NOL4L: variants seen among roughly 807,000 people sequenced by gnomAD.
NOL4L encodes nucleolar protein 4-like.
In NOL4L, 7 loss-of-function variants were observed where a neutral mutation model predicts 64.5. That is an observed-to-expected ratio of 0.11 (90% CI 0.06 to 0.20). The LOEUF is 0.20. Among genes scored for constraint, NOL4L ranks in the 10% least tolerant of loss-of-function variants. The probability of loss-of-function intolerance (pLI) is 1.00; values close to 1 mark genes in which losing one functional copy is unlikely to be tolerated. For synonymous variants in NOL4L, 413 were observed against 401.0 expected (o/e 1.03, Z -0.36); for missense variants, 680 against 967.1 (o/e 0.70, Z 3.94).
rs570867571 is a variant in NOL4L at position 32,456,005 on chromosome 20, G to A, written c.1119+113C>T. 173 of 1,154,698 alleles carry A rather than the reference G, an allele frequency of 1.5e-4. 1 individual carries two copies. Among genetic ancestry groups the A allele is most frequent in the African/African-American group, 6.5e-4 (41 of 62,716 alleles). 71.5% of individuals were successfully genotyped at this position (1,154,698 alleles called of 1,614,324 possible). On this transcript the variant is annotated intron_variant, in intron 6 of 10. Transcript: ENST00000621426. Reference sequence around the variant, plus strand: ...CCAGCCACAGCCACCACCCTGGCTCGGTGTCACACACATGGGCTGGCTCCA... The same window carrying A: ...CCAGCCACAGCCACCACCCTGGCTCAGTGTCACACACATGGGCTGGCTCCA...
intron 5 of NOL4L, among the ~76,000 whole-genome samples, chr20:32,469,870 A>G (rs558538955): frequency 6.6e-6 from 1 of 152,316 alleles, no homozygotes; most frequent in African/African-American, 2.4e-5. Flanking sequence ...TGTGTGTCAC[A>G]AGGCCAACGC....
chr20:32,552,031 C>A (rs551952384), intron 1 of NOL4L, among the ~76,000 whole-genome samples: 14 of 152,218 alleles, frequency 9.2e-5, no homozygotes, highest in African/African-American at 3.1e-4. Context: ...CTCAAGTGAT[C>A]CTCCTGCCTT....
intron 4 of NOL4L, among the ~76,000 whole-genome samples, chr20:32,493,905 C>T (rs77432742): frequency 0.015 from 2,208 of 152,182 alleles, 58 homozygotes; most frequent in African/African-American, 0.051. Flanking sequence ...TGAGAAATAA[C>T]AGCATTAAGA....
chr20:32,529,854 G>T (rs1027072465), intron 1 of NOL4L, among the ~76,000 whole-genome samples: 2 of 152,158 alleles, frequency 1.3e-5, no homozygotes, highest in Non-Finnish European at 2.9e-5. Flanking sequence ...CAGCTTCCTC[G>T]CTGTGAGATT....
At chr20:32,490,750 C>A (rs1323616010) in intron 4 of NOL4L, among the ~76,000 whole-genome samples, 2 of 152,198 alleles carry the variant, frequency 1.3e-5, no homozygotes, top group African/African-American at 2.4e-5. Flanking sequence ...ATTACAATTT[C>A]ATTATTCTCC....
intron 2 of NOL4L, among the ~76,000 whole-genome samples, chr20:32,523,817 T>TA (rs756858795): frequency 6.6e-6 from 1 of 152,068 alleles, no homozygotes; most frequent in Non-Finnish European, 1.5e-5. Context: ...TTCCTGGTGG[T>TA]AAAAAACAGG....
chr20:32,508,174 A>G (rs1193523153), intron 4 of NOL4L, among the ~76,000 whole-genome samples: 4 of 152,268 alleles, frequency 2.6e-5, no homozygotes, highest in African/African-American at 9.6e-5. Flanking sequence ...AACCACTCTC[A>G]AAGCCTTGTC....
intron 4 of NOL4L, among the ~76,000 whole-genome samples, chr20:32,488,890 T>C (rs1418476086): frequency 3.6e-5 from 5 of 137,034 alleles, no homozygotes; most frequent in Non-Finnish European, 6.2e-5. Context: ...TTTCTTTCTT[T>C]CTTTCCTCTC....
intron 6 of NOL4L, among the ~76,000 whole-genome samples, chr20:32,454,662 G>A (rs915261652): frequency 1.8e-4 from 28 of 152,236 alleles, no homozygotes; most frequent in Admixed American, 2.0e-4. Flanking sequence ...GTTGCCTTTC[G>A]GAAAGTTTGT....
At chr20:32,488,862 T>TC (rs2016316120) in intron 4 of NOL4L, among the ~76,000 whole-genome samples, 1 of 104,200 alleles carries the variant, frequency 9.6e-6, no homozygotes, top group Non-Finnish European at 1.8e-5. Flanking sequence ...TTTCTTTCTT[T>TC]CTTTCTTTCT....
intron 1 of NOL4L, among the ~76,000 whole-genome samples, chr20:32,528,174 G>A (rs1400288808): frequency 6.6e-6 from 1 of 152,232 alleles, no homozygotes; most frequent in African/African-American, 2.4e-5. Context: ...GAGGCTCCAT[G>A]TTCACAATTT....
At chr20:32,456,792 A>C (rs1258559932) in intron 5 of NOL4L, among the ~76,000 whole-genome samples, 1 of 151,658 alleles carries the variant, frequency 6.6e-6, no homozygotes, top group African/African-American at 2.4e-5. Context: ...CCAGGACCGC[A>C]CCTCCCACCC....
chr20:32,567,405 C>T (rs573193570), intron 1 of NOL4L, among the ~76,000 whole-genome samples: 1 of 152,312 alleles, frequency 6.6e-6, no homozygotes, highest in Non-Finnish European at 1.5e-5. Context: ...TCCTTGCCTT[C>T]CTGGTGGCCT....
At position 32,453,077 on chromosome 20, in the gene NOL4L, C is replaced by T. The variant is rs1029389011; in HGVS notation, c.1498-71G>A. ...CCTGGGCTTGTGCAGAGACCCTGCC[C>T]CAGGGGTGGGTGGCACAGGGTGGGG... On this transcript the variant is annotated intron_variant, in intron 8 of 10. Transcript: ENST00000621426. The surrounding 1 kb of genome is among the most constrained non-coding windows in gnomAD (Gnocchi z 5.6). The T allele has an allele frequency of 5.6e-5, 89 of 1,593,136 alleles. No homozygotes were observed. Among genetic ancestry groups the T allele is most frequent in the Middle Eastern group, 1.9e-4 (1 of 5,304 alleles).
intron 4 of NOL4L, chr20:32,475,027 T>A: frequency 2.0e-6 from 2 of 985,418 alleles, no homozygotes; most frequent in South Asian, 9.4e-5. Context: ...AGGGCCTGGC[T>A]CTTACCCTTG....
At chr20:32,470,212 A>G (rs2014904722) in intron 5 of NOL4L, among the ~76,000 whole-genome samples, 1 of 152,228 alleles carries the variant, frequency 6.6e-6, no homozygotes, top group Admixed American at 6.5e-5. Context: ...TCTGGAGGCC[A>G]GACGGGCCTC....
Position 32,445,546 on chromosome 20 carries a change from C to CAAAA in NOL4L, c.*2046_*2049dup, listed in dbSNP as rs2012292363. ...ATTACTTTGTAGTATTGTTCACACA[C>CAAAA]AAAAATAAATATTTACACGAATTCA... On this transcript the variant is annotated 3_prime_UTR_variant, in exon 11 of 11. Coordinates refer to ENST00000621426, the MANE Select transcript of NOL4L (RefSeq NM_001256798.2). The CAAAA allele has an allele frequency of 6.6e-6, 1 of 152,218 alleles. No individual in the cohort carries two copies. Among genetic ancestry groups the CAAAA allele is most frequent in the African/African-American group, 2.4e-5 (1 of 41,442 alleles). The allele number at this position is 152,218 out of a possible 1,614,324, so 9.4% of individuals were successfully genotyped here. A position where few individuals can be genotyped will look rare whatever the true frequency, so the allele number is the denominator to read the frequency against.
chr20:32,465,182 T>A, intron 5 of NOL4L: 2 of 462,294 alleles, frequency 4.3e-6, no homozygotes, highest in Middle Eastern at 8.2e-4. Flanking sequence ...AGGTCCCGAG[T>A]GTCAGGCGGC....
intron 4 of NOL4L, among the ~76,000 whole-genome samples, chr20:32,492,009 G>A (rs938269647): frequency 6.6e-6 from 1 of 152,216 alleles, no homozygotes. Context: ...TACTGTGGAG[G>A]CTGAGGTGGG....
Sources: allele counts gnomAD v4.1 joint callset (sites outside exome capture counted in the v4.1 genomes callset), GRCh38; gene constraint gnomAD v4.1.1; non-coding constraint Gnocchi (gnomAD v3.1); transcripts MANE v1.5; gene names NCBI Gene and HGNC (gene_info 2026-07-23, HGNC 2026-07-21).